Variants in SLC9A7 observed in about 807,000 individuals in gnomAD.
The protein encoded by SLC9A7 is solute carrier family 9 member A7, also known as sodium/hydrogen exchanger 7.
SLC9A7 carries 19 observed loss-of-function variants against 52.6 expected under a neutral mutation model. The observed-to-expected ratio is 0.36, with a 90% CI of 0.25 to 0.53. The LOEUF (loss-of-function observed/expected upper bound fraction) is 0.53, where lower values mean the gene tolerates loss of function less well. Among genes scored for constraint, SLC9A7 ranks in the 20% least tolerant of loss-of-function variants. The pLI, the probability that SLC9A7 is intolerant of heterozygous loss-of-function variation, is 0.91. For synonymous variants in SLC9A7, 226 were observed against 252.1 expected (o/e 0.90, Z 0.98); for missense variants, 455 against 597.9 (o/e 0.76, Z 2.49).
chrX:46,686,257 C>CA (rs1346693773), intron 1 of SLC9A7, among the ~76,000 whole-genome samples: 1 of 111,797 alleles, frequency 8.9e-6, no homozygotes, highest in Non-Finnish European at 1.9e-5. Flanking sequence ...TATGGCAACA[C>CA]AAAACACCAC....
chrX:46,755,715 C>T (rs1447039427), intron 1 of SLC9A7, among the ~76,000 whole-genome samples: 2 of 107,564 alleles, frequency 1.9e-5, no homozygotes, highest in Non-Finnish European at 3.8e-5. Flanking sequence ...CCCAGCTACT[C>T]AGGAGGCTGA....
At chrX:46,636,003 AAAAG>A (rs1943313507) in intron 12 of SLC9A7, among the ~76,000 whole-genome samples, 1 of 112,419 alleles carries the variant, frequency 8.9e-6, no homozygotes, top group Non-Finnish European at 1.9e-5. Flanking sequence ...AAAAATAGAA[AAAAG>A]AAATTGTTGC....
chrX:46,634,263 T>A (rs1385254543), intron 13 of SLC9A7, among the ~76,000 whole-genome samples: 2 of 111,582 alleles, frequency 1.8e-5, no homozygotes, highest in Admixed American at 1.9e-4. Flanking sequence ...AATGTGGACA[T>A]CCCACACTAA....
intron 1 of SLC9A7, among the ~76,000 whole-genome samples, chrX:46,757,379 T>A (rs1036165164): frequency 1.9e-4 from 21 of 112,259 alleles, no homozygotes; most frequent in African/African-American, 6.8e-4. Context: ...AGGTCACTAC[T>A]TCATCAAAAC....
rs749781327 is a variant in SLC9A7 at position 46,672,634 on chromosome X, AAAAC to A, written c.604-11_604-8del. The A allele has an allele frequency of 3.5e-5, 40 of 1,158,740 alleles. No individual in the cohort carries two copies. Among genetic ancestry groups the A allele is most frequent in the Middle Eastern group, 2.3e-4 (1 of 4,269 alleles). ...GATTTCTGAAAAAGTGTCTCTGAAT[AAAAC>A]AAACAAACAAAACCCAGGAATCACA... is the stretch of plus-strand genomic sequence containing the variant. On this transcript the variant is annotated splice_region_variant and splice_polypyrimidine_tract_variant and intron_variant, in intron 3 of 16. Coordinates refer to ENST00000616978, the MANE Select transcript of SLC9A7 (RefSeq NM_001257291.2).
intron 7 of SLC9A7, among the ~76,000 whole-genome samples, chrX:46,660,158 C>G (rs1310078419): frequency 1.4e-4 from 14 of 103,616 alleles, no homozygotes; most frequent in Admixed American, 8.3e-4. Flanking sequence ...GGGAAAACTG[C>G]CTAGCCATAT....
chrX:46,728,392 A>C (rs2038894945), intron 1 of SLC9A7, among the ~76,000 whole-genome samples: 1 of 112,507 alleles, frequency 8.9e-6, no homozygotes, highest in African/African-American at 3.2e-5. Flanking sequence ...AAATAGGCAT[A>C]AGAAAAGATG....
chrX:46,745,046 GC>G (rs1921638937), intron 1 of SLC9A7, among the ~76,000 whole-genome samples: 1 of 110,637 alleles, frequency 9.0e-6, no homozygotes, highest in African/African-American at 3.3e-5. Flanking sequence ...AGCTGTCAGA[GC>G]CAATTTTGTC....
chrX:46,723,825 C>T (rs1358069960), intron 1 of SLC9A7, among the ~76,000 whole-genome samples: 5 of 112,205 alleles, frequency 4.5e-5, no homozygotes, highest in African/African-American at 6.5e-5. Flanking sequence ...CAGTGGCTGA[C>T]GCCTGTAATC....
At position 46,680,483 on chromosome X, in the gene SLC9A7, T is replaced by C. The variant is rs769751947; in HGVS notation, c.526-728A>G. Among the ~76,000 whole-genome samples, 8 of 111,902 alleles carry C rather than the reference T, an allele frequency of 7.1e-5. 1 individual carries two copies. In the South Asian group the frequency reaches 2.6e-3, roughly 37 times the overall value. ...CCTTTATAGACAAAATTGTGCTGAA[T>C]TTAAGTCTCTTTTGAGTGACCAGCC... On this transcript the variant is annotated intron_variant, in intron 2 of 16. Coordinates refer to ENST00000616978, the MANE Select transcript of SLC9A7 (RefSeq NM_001257291.2).
chrX:46,606,923 C>T lies in SLC9A7; in HGVS notation c.*29G>A. ...CTGTCCTCACCCCATCGGGAGCCTA[C>T]CCCATCGCGCCAGGGCTTGGGGGGA... is the stretch of plus-strand genomic sequence containing the variant. On this transcript the variant is annotated 3_prime_UTR_variant, in exon 17 of 17. Transcript: ENST00000616978. 8.3e-7 allele frequency: 1 copy of T among 1,210,174 alleles called. No homozygotes were observed. Among genetic ancestry groups the T allele is most frequent in the Non-Finnish European group, 1.1e-6 (1 of 894,467 alleles).
At chrX:46,716,141 A>C (rs193205753) in intron 1 of SLC9A7, among the ~76,000 whole-genome samples, 49 of 111,198 alleles carry the variant, frequency 4.4e-4, no homozygotes, top group Non-Finnish European at 6.0e-4. Context: ...ATGGGTACTG[A>C]AGACTGAAGG....
intron 1 of SLC9A7, among the ~76,000 whole-genome samples, chrX:46,706,261 T>C (rs73630235): frequency 0.038 from 3,758 of 98,553 alleles, 200 homozygotes; most frequent in African/African-American, 0.13. Context: ...AAAGCCGCAA[T>C]TACTTTTGCA....
chrX:46,666,732 TTAAATGAAG>T (rs1943928604), intron 5 of SLC9A7, among the ~76,000 whole-genome samples: 2 of 112,296 alleles, frequency 1.8e-5, no homozygotes. Flanking sequence ...CTCTATCCAA[TTAAATGAAG>T]TAACACTGAT....
intron 13 of SLC9A7, among the ~76,000 whole-genome samples, chrX:46,633,336 TAAAAAAAAAAAAAAAAAAA>T (rs397836432): frequency 0.014 from 117 of 8,117 alleles, no homozygotes; most frequent in Non-Finnish European, 0.017. Flanking sequence ...TTGCTGCTGC[TAAAAAAAAAAAAAAAAAAA>T]AAAAAAAAAA....
chrX:46,617,103 C>G (rs748088598), intron 15 of SLC9A7, among the ~76,000 whole-genome samples: 1 of 111,698 alleles, frequency 9.0e-6, no homozygotes, highest in Admixed American at 9.5e-5. Context: ...AAACTCTCCT[C>G]TTACATGTTT....
chrX:46,608,016 C>T (rs996707596), intron 16 of SLC9A7, among the ~76,000 whole-genome samples: 6 of 112,285 alleles, frequency 5.3e-5, no homozygotes, highest in African/African-American at 1.9e-4. Context: ...TCTCCTGTTT[C>T]CCACCGACCC....
At chrX:46,689,215 T>C (rs757783866) in intron 1 of SLC9A7, among the ~76,000 whole-genome samples, 17 of 112,370 alleles carry the variant, frequency 1.5e-4, no homozygotes, top group African/African-American at 5.5e-4. Context: ...GTTTTGTTTT[T>C]TCCATTAATA....
At chrX:46,662,222 AAT>A in intron 6 of SLC9A7, 65 bp from the exon 7 acceptor site, 3 of 1,024,380 alleles carry the variant, frequency 2.9e-6, no homozygotes, top group Non-Finnish European at 4.0e-6. Flanking sequence ...GGTACTTGAA[AAT>A]ATCGACAAAC....
Sources: gnomAD v4.1 joint callset for allele counts (sites outside exome capture counted in the v4.1 genomes callset) on GRCh38, gnomAD v4.1.1 for gene constraint, MANE v1.5 for transcripts, NCBI Gene and HGNC (gene_info 2026-07-23, HGNC 2026-07-21) for gene names.